The following RBM17 variants were observed in gnomAD, a reference collection of about 807,000 sequenced individuals.
The protein encoded by RBM17 is RNA binding motif protein 17.
In RBM17, 7 loss-of-function variants were observed where a neutral mutation model predicts 53.2. That is an observed-to-expected ratio of 0.13 (90% CI 0.07 to 0.25). The LOEUF is 0.25. Among genes scored for constraint, RBM17 ranks in the 10% least tolerant of loss-of-function variants. The probability of loss-of-function intolerance (pLI) is 1.00; values close to 1 mark genes in which losing one functional copy is unlikely to be tolerated. For synonymous variants in RBM17, 167 were observed against 178.1 expected (o/e 0.94, Z 0.50); for missense variants, 257 against 496.7 (o/e 0.52, Z 4.59).
chr10:6,090,282 C>T (rs1159319105), intron 1 of RBM17, among the ~76,000 whole-genome samples: 2 of 152,122 alleles, frequency 1.3e-5, no homozygotes, highest in Non-Finnish European at 2.9e-5. Context: ...GCACTGGCTC[C>T]CCGCAGCAGA....
chr10:6,108,799 G>T lies in RBM17; in HGVS notation c.562+57G>T, dbSNP rs528324952. On this transcript the variant is annotated intron_variant, in intron 6 of 11. Coordinates refer to ENST00000379888, the MANE Select transcript of RBM17 (RefSeq NM_032905.5). ...TGATACAGGTCTTTAACCCAACCAT[G>T]GGGGATCTCAGCTTGGGCCCCCAGG... The T allele has an allele frequency of 3.1e-5, 43 of 1,391,648 alleles. No homozygotes were observed. The South Asian group carries it at 4.8e-4, about 16-fold the overall frequency. 86.2% of individuals were successfully genotyped at this position (1,391,648 alleles called of 1,614,324 possible).
At position 6,094,713 on chromosome 10, in the gene RBM17, A is replaced by G. The variant is rs191299385; in HGVS notation, c.-18-2335A>G. 3.9e-5 allele frequency among the ~76,000 whole-genome samples: 6 copies of G among 152,322 alleles called. No individual in the cohort carries two copies. In the East Asian group the frequency reaches 5.8e-4, roughly 15 times the overall value. ...TTTTCTTAGATTAAAATTTAAGGGT[A>G]TGTATCTAGATGTGAACAATGAGTT... On this transcript the variant is annotated intron_variant, in intron 1 of 11. Transcript: ENST00000379888.
intron 3 of RBM17, among the ~76,000 whole-genome samples, chr10:6,103,778 G>T (rs977809631): frequency 6.6e-6 from 1 of 152,140 alleles, no homozygotes; most frequent in Non-Finnish European, 1.5e-5. Flanking sequence ...TGAAACACAG[G>T]AACTGTTCGA....
intron 9 of RBM17, 77 bp from the exon 10 acceptor site, chr10:6,113,972 A>G: frequency 2.2e-6 from 2 of 906,970 alleles, no homozygotes; most frequent in Admixed American, 4.7e-5. Flanking sequence ...ACCATCACTA[A>G]GTCATATTTA....
intron 1 of RBM17, among the ~76,000 whole-genome samples, chr10:6,090,154 A>G (rs1840461403): frequency 6.6e-6 from 1 of 152,160 alleles, no homozygotes; most frequent in South Asian, 2.1e-4. Flanking sequence ...TTTCTTGAGA[A>G]GCAGTAAAGA....
At chr10:6,113,654 C>G (rs1408383687) in intron 9 of RBM17, 73 bp downstream of exon 9, 1 of 978,848 alleles carries the variant, frequency 1.0e-6, no homozygotes, top group Non-Finnish European at 1.6e-6. Flanking sequence ...CCCTGCTCCC[C>G]CTAAAAGTTA....
Position 6,105,031 on chromosome 10 carries a change from G to A in RBM17, c.341G>A (p.Arg114His), listed in dbSNP as rs770290110. 5.6e-6 allele frequency: 9 copies of A among 1,613,892 alleles called. No individual in the cohort carries two copies. Among genetic ancestry groups the A allele is most frequent in the African/African-American group, 1.3e-5 (1 of 74,910 alleles). The change falls in exon 4 of 12, where the codon CGC (arginine) becomes CAC (histidine). Residue 114 changes from arginine (R) to histidine (H), a missense_variant. Around this residue, in one of 6 missense-constraint regions of RBM17, gnomAD observed 127 missense variants for 217.2 expected, o/e 0.58. Coordinates refer to ENST00000379888, the MANE Select transcript of RBM17 (RefSeq NM_032905.5). Reference sequence around the variant, plus strand: ...AATGATTATGAGAAAGTAGTGAAGCGCCAAAGAGAGGAACGACAGAGACAG... The same window carrying A: ...AATGATTATGAGAAAGTAGTGAAGCACCAAAGAGAGGAACGACAGAGACAG... ...FPNDYEKVVK[R>H]QREERQRQRE...
At position 6,098,580 on chromosome 10, in the gene RBM17, T is replaced by G. The variant is rs1211627332; in HGVS notation, c.123+1392T>G. 1.6e-5 allele frequency among the ~76,000 whole-genome samples: 2 copies of G among 124,504 alleles called. 1 individual carries two copies. The highest frequency in any genetic ancestry group is 6.4e-5 in the African/African-American group (2 of 31,420). 81.7% of individuals were successfully genotyped at this position (124,504 alleles called of 152,430 possible). A position where few individuals can be genotyped will look rare whatever the true frequency, so the allele number is the denominator to read the frequency against. On this transcript the variant is annotated intron_variant, in intron 2 of 11. Coordinates refer to ENST00000379888, the MANE Select transcript of RBM17 (RefSeq NM_032905.5). Reference sequence around the variant, plus strand: ...GGTTTTTTGTTTTTTTTTTTTTTTTTTTTTTTTTTTTTTGAGACGTAGTCT... The same window carrying G: ...GGTTTTTTGTTTTTTTTTTTTTTTTGTTTTTTTTTTTTTGAGACGTAGTCT...
intron 1 of RBM17, among the ~76,000 whole-genome samples, chr10:6,092,909 T>C (rs1056147314): frequency 2.6e-5 from 4 of 152,212 alleles, no homozygotes; most frequent in South Asian, 2.1e-4. Flanking sequence ...TTTCTGAAAC[T>C]TTTGCGCAAT....
chr10:6,097,225 CAG>C (rs776171172), intron 2 of RBM17, 37 bp downstream of exon 2: 10 of 1,602,074 alleles, frequency 6.2e-6, no homozygotes, highest in African/African-American at 1.4e-5. Context: ...CAGAGGCCTC[CAG>C]AGTGGGTTCC....
chr10:6,108,906 G>A lies in RBM17; in HGVS notation c.562+164G>A, dbSNP rs540847479. 7.2e-5 allele frequency among the ~76,000 whole-genome samples: 11 copies of A among 152,276 alleles called. No individual in the cohort carries two copies. The East Asian group carries it at 1.7e-3, about 24-fold the overall frequency. On this transcript the variant is annotated intron_variant, in intron 6 of 11. Transcript: ENST00000379888. ...CCGCACCTGGATCTCAGAATGCAGCGCCCTCCTGCAGAGAGAGACCTTTCT... is the reference window on the plus strand; with the variant it reads ...CCGCACCTGGATCTCAGAATGCAGCACCCTCCTGCAGAGAGAGACCTTTCT...
intron 6 of RBM17, among the ~76,000 whole-genome samples, 184 bp from the exon 7 acceptor site, chr10:6,109,802 C>T (rs549741344): frequency 2.6e-5 from 4 of 152,254 alleles, no homozygotes; most frequent in South Asian, 2.1e-4. Flanking sequence ...AGGAAAGTAG[C>T]GTCCTCCCTC....
rs1221504658 is a variant in RBM17, at chr10:6,098,556, G to GT, written c.123+1374dup. On this transcript the variant is annotated intron_variant, in intron 2 of 11. Coordinates refer to ENST00000379888, the MANE Select transcript of RBM17 (RefSeq NM_032905.5). ...GTTTGAAAATTTCCGTAATACACAG[G>GT]TTTTTTGTTTTTTTTTTTTTTTTTT... 2.7e-3 allele frequency among the ~76,000 whole-genome samples: 237 copies of GT among 87,954 alleles called. 13 individuals carry two copies. The highest frequency in any genetic ancestry group is 6.2e-3 in the Middle Eastern group (1 of 162). 57.7% of individuals were successfully genotyped at this position (87,954 alleles called of 152,430 possible). A position where few individuals can be genotyped will look rare whatever the true frequency, so the allele number is the denominator to read the frequency against.
chr10:6,108,396 GGTTGTATT>G, intron 5 of RBM17: 1 of 425,490 alleles, frequency 2.4e-6, no homozygotes, highest in South Asian at 4.5e-5. Flanking sequence ...TGGTTCTCTT[GGTTGTATT>G]GTTTTGCCTT....
At position 6,112,134 on chromosome 10, in the gene RBM17, T is replaced by A; in HGVS notation, c.705-76T>A. The A allele has an allele frequency of 6.7e-7, 1 of 1,483,330 alleles. No homozygotes were observed. The highest frequency in any genetic ancestry group is 9.2e-7 in the Non-Finnish European group (1 of 1,087,868). 91.9% of individuals were successfully genotyped at this position (1,483,330 alleles called of 1,614,324 possible). On this transcript the variant is annotated intron_variant, in intron 7 of 11. Coordinates refer to ENST00000379888, the MANE Select transcript of RBM17 (RefSeq NM_032905.5). The surrounding 1 kb of genome is among the most constrained non-coding windows in gnomAD (Gnocchi z 4.4). ...ATGCACTCTCTCCAGAAGGAGGTTG[T>A]TGTGATGGAAAAATGCAACCTATCT...
Position 6,115,706 on chromosome 10 carries a change from TA to T in RBM17, c.*151del. ...GATATATGTTGATTGATCCCTTTTT[TA>T]TTTTGTGGTTTTTTAATATAGTATA... is the stretch of plus-strand genomic sequence containing the variant. On this transcript the variant is annotated 3_prime_UTR_variant, in exon 12 of 12. Transcript: ENST00000379888. 1 of 510,018 alleles carries T rather than the reference TA, an allele frequency of 2.0e-6. No individual in the cohort carries two copies. The allele number at this position is 510,018 out of a possible 1,614,324, so 31.6% of individuals were successfully genotyped here.
chr10:6,113,053 A>C (rs1588352484), intron 8 of RBM17: 1 of 178,672 alleles, frequency 5.6e-6, no homozygotes, highest in East Asian at 1.5e-4. Context: ...CTTAGGATAC[A>C]TCACGAGCCT....
intron 7 of RBM17, among the ~76,000 whole-genome samples, chr10:6,110,498 C>G (rs1024645974): frequency 6.6e-6 from 1 of 152,124 alleles, no homozygotes. Context: ...ATAAAGTGGG[C>G]CATTTGCTTT....
intron 1 of RBM17, among the ~76,000 whole-genome samples, chr10:6,090,824 A>G (rs2132934423): frequency 6.6e-6 from 1 of 150,744 alleles, no homozygotes; most frequent in African/African-American, 2.4e-5. Context: ...TGGAAAGATT[A>G]AACTGACAAG....
Sources: gnomAD v4.1 joint callset for allele counts (sites outside exome capture counted in the v4.1 genomes callset) on GRCh38, gnomAD v4.1.1 for gene constraint, gnomAD v4.1.1 regional missense constraint, Gnocchi (gnomAD v3.1) non-coding constraint, MANE v1.5 for transcripts, NCBI Gene and HGNC (gene_info 2026-07-23, HGNC 2026-07-21) for gene names.